The following SLC60A1 variants were observed in gnomAD, a reference collection of about 807,000 sequenced individuals.
SLC60A1 encodes the protein major facilitator superfamily domain containing 4.
chr1:205,579,627 C>A, the SLC60A1 span: 1 of 1,104,088 alleles, frequency 9.1e-7, no homozygotes, highest in Non-Finnish European at 1.4e-6. Flanking sequence ...TCTTCCTCAG[C>A]TCTCTTCCTT....
chr1:205,577,963 C>A, the SLC60A1 span, among the ~76,000 whole-genome samples: 12 of 152,240 alleles, frequency 7.9e-5, no homozygotes, highest in Non-Finnish European at 1.6e-4. This position sits in a 1 kb window ranked among gnomAD's most constrained non-coding sequence, Gnocchi z 5.2. Flanking sequence ...CCGTAGTACT[C>A]GCTATCATCC....
chr1:205,601,413 C>T, the SLC60A1 span: 2 of 152,158 alleles, frequency 1.3e-5, no homozygotes, highest in Non-Finnish European at 2.9e-5. Context: ...AGTGGTTAAA[C>T]ATTTACCAGC....
chr1:205,586,279 A>G, the SLC60A1 span: 4 of 1,567,114 alleles, frequency 2.6e-6, no homozygotes, highest in Admixed American at 1.8e-5. Context: ...GCCCTACCCC[A>G]GGACGTTTGC....
chr1:205,597,671 G>A, the SLC60A1 span: 2 of 1,106,058 alleles, frequency 1.8e-6, no homozygotes, highest in Non-Finnish European at 2.7e-6. Flanking sequence ...ACTGGGATGT[G>A]CCTTCCGAAA....
the SLC60A1 span, chr1:205,598,125 C>A: frequency 5.6e-6 from 2 of 358,184 alleles, no homozygotes; most frequent in Non-Finnish European, 1.1e-5. Flanking sequence ...AGAGGGGGCC[C>A]GTGGGAATGC....
At chr1:205,590,573 C>A in the SLC60A1 span, among the ~76,000 whole-genome samples, 1 of 152,134 alleles carries the variant, frequency 6.6e-6, no homozygotes, top group African/African-American at 2.4e-5. Flanking sequence ...GCTAGAGGAG[C>A]GTAAAGGCCT....
the SLC60A1 span, among the ~76,000 whole-genome samples, chr1:205,569,855 T>TC: frequency 6.6e-6 from 1 of 152,016 alleles, no homozygotes; most frequent in Admixed American, 6.5e-5. Context: ...ACACAGGCTG[T>TC]CCCTTCCCCC....
the SLC60A1 span, chr1:205,592,364 TGC>T: frequency 3.1e-6 from 4 of 1,297,222 alleles, no homozygotes; most frequent in Admixed American, 3.5e-5. Flanking sequence ...TGTCTCTCTG[TGC>T]TCTTTTTTTT....
the SLC60A1 span, chr1:205,569,389 C>A: frequency 1.0e-6 from 1 of 963,598 alleles, no homozygotes; most frequent in Non-Finnish European, 1.3e-6. Context: ...GCGACCCGGC[C>A]TCTCCCCCGG....
At chr1:205,587,030 G>A in the SLC60A1 span, among the ~76,000 whole-genome samples, 1 of 152,158 alleles carries the variant, frequency 6.6e-6, no homozygotes, top group East Asian at 1.9e-4. Context: ...GGACATGGAG[G>A]ATGACCTTCA....
chr1:205,589,434 T>C, the SLC60A1 span, among the ~76,000 whole-genome samples: 22 of 152,172 alleles, frequency 1.4e-4, no homozygotes, highest in Non-Finnish European at 2.9e-4. Flanking sequence ...TTGAATTTTA[T>C]TCTAAGTGGG....
At chr1:205,597,455 C>A in the SLC60A1 span, 1 of 166,104 alleles carries the variant, frequency 6.0e-6, no homozygotes, top group Non-Finnish European at 1.2e-5. Context: ...GTGGTGCGAT[C>A]ATGGCTCACT....
the SLC60A1 span, among the ~76,000 whole-genome samples, chr1:205,570,050 C>A: frequency 6.6e-6 from 1 of 151,746 alleles, no homozygotes; most frequent in Middle Eastern, 3.2e-3. Flanking sequence ...TTCCCCTCCA[C>A]TCCCCACCCA....
At chr1:205,584,227 T>TC in the SLC60A1 span, 1 of 1,318,672 alleles carries the variant, frequency 7.6e-7, no homozygotes, top group East Asian at 2.5e-5. Context: ...GATTTTTTTT[T>TC]TTTTTTTTTT....
At chr1:205,602,017 T>TTACA in the SLC60A1 span, 1 of 152,144 alleles carries the variant, frequency 6.6e-6, no homozygotes, top group African/African-American at 2.4e-5. Flanking sequence ...TGTTGAGGAG[T>TTACA]TACAGCTCCT....
the SLC60A1 span, among the ~76,000 whole-genome samples, chr1:205,577,310 C>G: frequency 6.6e-6 from 1 of 152,182 alleles, no homozygotes; most frequent in African/African-American, 2.4e-5. This position sits in a 1 kb window ranked among gnomAD's most constrained non-coding sequence, Gnocchi z 5.2. Context: ...CCAGGCCACC[C>G]CATGTGGGCT....
At chr1:205,584,857 C>T in the SLC60A1 span, 1 of 1,610,086 alleles carries the variant, frequency 6.2e-7, no homozygotes, top group South Asian at 1.1e-5. Context: ...CACCCCTGTT[C>T]TTCCTGTGCC....
chr1:205,592,645 C>T, the SLC60A1 span, among the ~76,000 whole-genome samples: 1 of 151,758 alleles, frequency 6.6e-6, no homozygotes, highest in Non-Finnish European at 1.5e-5. Flanking sequence ...ATGAACACCC[C>T]CCTCCTGACT....
At chr1:205,598,884 G>C in the SLC60A1 span, 1 of 531,250 alleles carries the variant, frequency 1.9e-6, no homozygotes, top group South Asian at 2.5e-5. Context: ...CCAGAACACA[G>C]AGCTGCAAGG....
Sources: gnomAD v4.1 joint callset for allele counts (sites outside exome capture counted in the v4.1 genomes callset) on GRCh38, gnomAD v4.1.1 for gene constraint, Gnocchi (gnomAD v3.1) non-coding constraint, MANE v1.5 for transcripts, NCBI Gene and HGNC (gene_info 2026-07-23, HGNC 2026-07-21) for gene names.